The following CCDC57 variants were observed in gnomAD, a reference collection of about 807,000 sequenced individuals.
The protein encoded by CCDC57 is coiled-coil domain-containing protein 57.
CCDC57 carries 118 observed loss-of-function variants against 118.9 expected under a neutral mutation model. The ratio of observed to expected loss-of-function variants is 0.99; its 90% CI spans 0.86 to 1.16. The LOEUF (loss-of-function observed/expected upper bound fraction) is 1.16, where lower values mean the gene tolerates loss of function less well. CCDC57 is among the 50% of genes most tolerant of loss of function. The pLI is 0.00. For missense variants in CCDC57, 1,300 were observed against 1,320.7 expected, an observed-to-expected ratio of 0.98 and a Z score of 0.24; for synonymous variants, 527 against 532.9, an observed-to-expected ratio of 0.99 and a Z score of 0.15.
chr17:82,209,100 T>A (rs1411950173), intron 1 of CCDC57, among the ~76,000 whole-genome samples: 1 of 152,070 alleles, frequency 6.6e-6, no homozygotes, highest in Non-Finnish European at 1.5e-5. Context: ...TTTCACTTCC[T>A]CCACTGACTG....
exon 3 of CCDC57, chr17:82,201,924 C>G (rs762510656): frequency 6.3e-7 from 1 of 1,598,040 alleles, no homozygotes; most frequent in African/African-American, 1.3e-5. Context: ...TCAGGGCGGG[C>G]TCTGAGCCCA....
At chr17:82,196,110 C>A (rs1304473949) in intron 4 of CCDC57, among the ~76,000 whole-genome samples, 1 of 152,192 alleles carries the variant, frequency 6.6e-6, no homozygotes, top group Non-Finnish European at 1.5e-5. Flanking sequence ...TGCGCCCTGC[C>A]AACTACAACC....
At chr17:82,168,528 G>A (rs141219216) in intron 13 of CCDC57, among the ~76,000 whole-genome samples, 148 of 152,296 alleles carry the variant, frequency 9.7e-4, no homozygotes, top group African/African-American at 3.5e-3. Flanking sequence ...AACCCAGGAG[G>A]CAGAGGTTGC....
chr17:82,101,653 C>A (rs536023962), exon 20 of CCDC57: 3 of 1,568,538 alleles, frequency 1.9e-6, no homozygotes, highest in South Asian at 2.3e-5. Flanking sequence ...CCCGAGCACC[C>A]CTTAGTGGGG....
At chr17:82,151,828 G>A (rs573757615) in intron 15 of CCDC57, 55 bp from the exon 15 acceptor site, 25 of 1,458,636 alleles carry the variant, frequency 1.7e-5, no homozygotes, top group African/African-American at 1.5e-4. Context: ...ATGGGAGGAC[G>A]CCAGGGGTGC....
At chr17:82,190,180 G>C (rs1341343439) in intron 7 of CCDC57, among the ~76,000 whole-genome samples, 1 of 151,966 alleles carries the variant, frequency 6.6e-6, no homozygotes, top group Non-Finnish European at 1.5e-5. Flanking sequence ...ACTTCTCAAG[G>C]TTCTTCATAT....
At position 82,148,123 on chromosome 17, in the gene CCDC57, TTAGATGGATGGATGGATGGA is replaced by T. The variant is rs1315254802; in HGVS notation, c.2455+3417_2455+3436del. The stretch of plus-strand genomic sequence containing the variant: ...GTGGGTGGGATAAGTGGTTGGATGG[TTAGATGGATGGATGGATGGA>T]TGGATGGATGGATGGATGGATGGAT... On this transcript the variant is annotated intron_variant, in intron 16 of 19. Transcript: ENST00000665763. Among the ~76,000 whole-genome samples the T allele has an allele frequency of 1.1e-4, 6 of 53,302 alleles. No homozygotes were observed. In the South Asian group the frequency reaches 3.7e-3, roughly 33 times the overall value. 35.0% of individuals were successfully genotyped at this position (53,302 alleles called of 152,430 possible).
exon 14 of CCDC57, chr17:82,163,223 G>A (rs745603362): frequency 8.1e-6 from 13 of 1,613,866 alleles, no homozygotes; most frequent in Middle Eastern, 1.6e-4. Context: ...CGTGTCACCA[G>A]CAGGTTTAGG....
Position 82,198,765 on chromosome 17 carries a change from C to T in CCDC57, c.408-343G>A, listed in dbSNP as rs992782862. On this transcript the variant is annotated intron_variant, in intron 3 of 19. Coordinates refer to ENST00000665763, the Ensembl canonical transcript of CCDC57. Reference sequence around the variant, plus strand: ...CAGCACTTTGGGAGGCCGAGGTGGGCGGATCACAAGGTCAGGAGATCGAGA... The same window carrying T: ...CAGCACTTTGGGAGGCCGAGGTGGGTGGATCACAAGGTCAGGAGATCGAGA... 6.6e-5 allele frequency among the ~76,000 whole-genome samples: 10 copies of T among 151,248 alleles called. No homozygotes were observed. The South Asian group carries it at 8.4e-4, about 13-fold the overall frequency.
rs1057034423 is a variant in CCDC57 at position 82,192,564 on chromosome 17, T to C, written c.851+1192A>G. Among the ~76,000 whole-genome samples the C allele has an allele frequency of 5.3e-5, 8 of 152,226 alleles. No homozygotes were observed. The highest frequency in any genetic ancestry group is 8.8e-5 in the Non-Finnish European group (6 of 68,034). ...GAGAAACAGTGTTTGTCCAGCTTCA[T>C]CATGGCCACACGGTGCAGCTAAGCA... On this transcript the variant is annotated intron_variant, in intron 7 of 19. Coordinates refer to ENST00000665763, the Ensembl canonical transcript of CCDC57. This position sits in a 1 kb window ranked among gnomAD's most constrained non-coding sequence, Gnocchi z 4.0.
intron 9 of CCDC57, among the ~76,000 whole-genome samples, chr17:82,183,385 A>C (rs2046444193): frequency 6.6e-6 from 1 of 151,984 alleles, no homozygotes; most frequent in South Asian, 2.1e-4. Context: ...GGGTCTCACT[A>C]TGTTAACCAG....
intron 19 of CCDC57, chr17:82,127,165 C>A (rs535918689): frequency 1.5e-4 from 145 of 985,324 alleles, no homozygotes; most frequent in Non-Finnish European, 1.7e-4. Flanking sequence ...AGTCTCAGGG[C>A]GGCAACGTCC....
chr17:82,207,139 G>T (rs762615127), intron 2 of CCDC57, among the ~76,000 whole-genome samples: 10 of 152,092 alleles, frequency 6.6e-5, no homozygotes, highest in Non-Finnish European at 1.2e-4. Flanking sequence ...CCAGGAGTTC[G>T]AGACCAGCCA....
chr17:82,137,557 T>G (rs1340018268), intron 16 of CCDC57, among the ~76,000 whole-genome samples: 1 of 152,152 alleles, frequency 6.6e-6, no homozygotes, highest in Non-Finnish European at 1.5e-5. Context: ...TTCACGTGGG[T>G]AGCTAAATAT....
intron 13 of CCDC57, among the ~76,000 whole-genome samples, chr17:82,169,397 G>A (rs1256605015): frequency 6.6e-6 from 1 of 152,198 alleles, no homozygotes; most frequent in Non-Finnish European, 1.5e-5. Context: ...CCAAAGTGCT[G>A]GGATTACAGG....
At chr17:82,173,884 C>T (rs1182022558) in intron 11 of CCDC57, among the ~76,000 whole-genome samples, 1 of 152,174 alleles carries the variant, frequency 6.6e-6, no homozygotes, top group Non-Finnish European at 1.5e-5. Context: ...GAGTGTCCTT[C>T]TCTAACCAAA....
At chr17:82,185,241 C>G (rs545634239) in intron 8 of CCDC57, 2 of 152,494 alleles carry the variant, frequency 1.3e-5, no homozygotes, top group Admixed American at 1.3e-4. Flanking sequence ...ATCACCTGAG[C>G]CCAGGAGGTC....
intron 19 of CCDC57, among the ~76,000 whole-genome samples, chr17:82,103,540 G>T (rs1437948668): frequency 6.6e-6 from 1 of 152,220 alleles, no homozygotes; most frequent in Non-Finnish European, 1.5e-5. Context: ...TTCCTGCGGG[G>T]AAGCTGGTCC....
chr17:82,202,593 T>C (rs763710872), intron 2 of CCDC57, among the ~76,000 whole-genome samples: 1 of 149,888 alleles, frequency 6.7e-6, no homozygotes, highest in Admixed American at 6.6e-5. Flanking sequence ...CTACTAAAAA[T>C]ATAAAAATTA....
Sources: gnomAD v4.1 joint callset for allele counts (sites outside exome capture counted in the v4.1 genomes callset) on GRCh38, gnomAD v4.1.1 for gene constraint, Gnocchi (gnomAD v3.1) non-coding constraint, MANE v1.5 for transcripts, NCBI Gene and HGNC (gene_info 2026-07-23, HGNC 2026-07-21) for gene names.